KYAT3: variants seen among roughly 807,000 people sequenced by gnomAD.
KYAT3 encodes the protein kynurenine aminotransferase 3, also known as kynurenine--oxoglutarate transaminase 3.
In KYAT3, 50 loss-of-function variants were observed where a neutral mutation model predicts 59.0. The observed-to-expected ratio is 0.85, with a 90% CI of 0.68 to 1.07. The LOEUF (loss-of-function observed/expected upper bound fraction) is 1.07. KYAT3 is among the 50% of genes least tolerant of loss of function. The pLI, the probability that KYAT3 is intolerant of heterozygous loss-of-function variation, is 0.00. For missense variants in KYAT3, 497 were observed against 533.3 expected, an observed-to-expected ratio of 0.93 and a Z score of 0.67; for synonymous variants, 148 against 177.0, an observed-to-expected ratio of 0.84 and a Z score of 1.30.
chr1:88,929,121 T>C, the KYAT3 span, among the ~76,000 whole-genome samples: 1 of 151,812 alleles, frequency 6.6e-6, no homozygotes, highest in African/African-American at 2.4e-5. Context: ...CCGCCTCCTT[T>C]CCCTACCAAA....
Position 88,968,704 on chromosome 1 carries a change from G to A in KYAT3, c.269C>T (p.Ala90Val). The A allele has an allele frequency of 1.3e-6, 2 of 1,594,926 alleles. No homozygotes were observed. Among genetic ancestry groups the A allele is most frequent in the East Asian group, 2.3e-5 (1 of 44,216 alleles). Residue 90 changes from alanine to valine, a missense_variant, in exon 4 of 14, where the codon GCA becomes GTA. By Grantham distance (64) the Ala-to-Val change is moderately conservative (BLOSUM62 0). Around this residue, in one of 2 missense-constraint regions of KYAT3, gnomAD observed 469 missense variants for 479.1 expected, o/e 0.98. Coordinates refer to ENST00000260508, the MANE Select transcript of KYAT3 (RefSeq NM_001008661.3). ...YVKEELSKIA[A>V]IDSLNQYTRG... ...TGTATACTGATTCAGGCTATCGATT[G>A]CTGCAATCTTTGATAATTCTTCTTT...
chr1:88,935,129 G>A (rs1165756334), downstream of KYAT3, among the ~76,000 whole-genome samples: 1 of 151,482 alleles, frequency 6.6e-6, no homozygotes, highest in Admixed American at 6.6e-5. Context: ...AAGTAGCTGG[G>A]ATTACAGGAA....
At chr1:88,987,335 T>A (rs1281633847) in intron 2 of KYAT3, among the ~76,000 whole-genome samples, 1 of 152,150 alleles carries the variant, frequency 6.6e-6, no homozygotes, top group Non-Finnish European at 1.5e-5. Context: ...AAAAAGGTGG[T>A]CACGGTGGCA....
intron 4 of KYAT3, among the ~76,000 whole-genome samples, chr1:88,967,450 C>T (rs1008037119): frequency 1.3e-5 from 2 of 151,544 alleles, no homozygotes; most frequent in African/African-American, 2.4e-5. Context: ...ATGGCAAAAC[C>T]GCAATTACTT....
the KYAT3 span, among the ~76,000 whole-genome samples, chr1:88,929,403 T>C: frequency 2.0e-5 from 3 of 152,036 alleles, no homozygotes; most frequent in African/African-American, 7.2e-5. Flanking sequence ...ACCTAAAGGG[T>C]GCCTTTTGTG....
intron 2 of KYAT3, among the ~76,000 whole-genome samples, chr1:88,986,813 A>G (rs1421401693): frequency 6.6e-6 from 1 of 152,176 alleles, no homozygotes; most frequent in Non-Finnish European, 1.5e-5. Flanking sequence ...CTTGATTTAA[A>G]CTTATCACTA....
intron 2 of KYAT3, among the ~76,000 whole-genome samples, chr1:88,984,712 A>G (rs1316681266): frequency 6.6e-6 from 1 of 152,218 alleles, no homozygotes; most frequent in African/African-American, 2.4e-5. Flanking sequence ...TGGCCACAGC[A>G]CAGCTTTAGG....
intron 11 of KYAT3, among the ~76,000 whole-genome samples, chr1:88,944,296 A>C (rs75836201): frequency 6.6e-6 from 1 of 152,322 alleles, no homozygotes; most frequent in East Asian, 1.9e-4. Context: ...TCTTTCTTCT[A>C]TACATTAAAT....
At chr1:88,963,940 C>G (rs995026840) in intron 5 of KYAT3, among the ~76,000 whole-genome samples, 4 of 152,194 alleles carry the variant, frequency 2.6e-5, no homozygotes, top group Non-Finnish European at 4.4e-5. Context: ...TGGTGGCTCA[C>G]GCCTGTAATC....
the KYAT3 span, chr1:88,923,248 G>A: frequency 6.6e-6 from 1 of 152,160 alleles, no homozygotes; most frequent in African/African-American, 2.4e-5. Flanking sequence ...TGGTCTGTAG[G>A]GATAATGGAT....
the KYAT3 span, among the ~76,000 whole-genome samples, chr1:88,922,201 C>T: frequency 1.3e-5 from 2 of 151,992 alleles, no homozygotes; most frequent in Non-Finnish European, 2.9e-5. Flanking sequence ...GCCTGAGTGA[C>T]AGAATGAGGC....
Position 88,971,652 on chromosome 1 carries a change from G to C in KYAT3, c.100-2185C>G, listed in dbSNP as rs1049054776. Among the ~76,000 whole-genome samples the C allele has an allele frequency of 2.6e-5, 4 of 152,166 alleles. No individual in the cohort carries two copies. In the East Asian group the frequency reaches 7.7e-4, roughly 29 times the overall value. ...GCCAAGCACCCATTTTCTTCTCCTG[G>C]GGGAGATCATGCCCTTGTTGAGAGT... On this transcript the variant is annotated intron_variant, in intron 2 of 13. Coordinates refer to ENST00000260508, the MANE Select transcript of KYAT3 (RefSeq NM_001008661.3).
intron 2 of KYAT3, chr1:88,979,308 G>C (rs927936724): frequency 6.6e-6 from 1 of 152,088 alleles, no homozygotes; most frequent in Non-Finnish European, 1.5e-5. Flanking sequence ...GAGGGACTGA[G>C]AGATGAACAC....
chr1:88,987,040 T>C (rs1677500191), intron 2 of KYAT3, among the ~76,000 whole-genome samples: 1 of 152,132 alleles, frequency 6.6e-6, no homozygotes, highest in Non-Finnish European at 1.5e-5. Context: ...TGGAGAGGGG[T>C]TAGTGCTATC....
chr1:88,937,045 T>C (rs115378886), intron 13 of KYAT3, among the ~76,000 whole-genome samples: 4,117 of 151,748 alleles, frequency 0.027, 154 homozygotes, highest in African/African-American at 0.079. Context: ...GATGTCAGAG[T>C]CTGAGTGGGG....
At chr1:88,969,302 G>A (rs951526376) in intron 3 of KYAT3, 107 bp downstream of exon 3, 30 of 700,114 alleles carry the variant, frequency 4.3e-5, no homozygotes, top group Non-Finnish European at 7.7e-5. Flanking sequence ...AATTAAATGA[G>A]GACCTTTATT....
chr1:88,928,380 A>T, the KYAT3 span, among the ~76,000 whole-genome samples: 4 of 150,060 alleles, frequency 2.7e-5, no homozygotes, highest in Non-Finnish European at 5.9e-5. Flanking sequence ...GACAAACGGG[A>T]TAAAAAAAAA....
intron 1 of KYAT3, 27 bp downstream of exon 1, chr1:88,992,558 G>C (rs952878950): frequency 6.6e-6 from 1 of 152,638 alleles, no homozygotes; most frequent in Admixed American, 6.5e-5. Context: ...GAAGCGCCGC[G>C]CCGCGCCGCG....
At chr1:88,979,394 T>A (rs1303575396) in intron 2 of KYAT3, 1 of 152,244 alleles carries the variant, frequency 6.6e-6, no homozygotes, top group Non-Finnish European at 1.5e-5. Flanking sequence ...TGGGCTCAAG[T>A]ATCTCTTAAA....
Sources: gnomAD v4.1 joint callset for allele counts (sites outside exome capture counted in the v4.1 genomes callset) on GRCh38, gnomAD v4.1.1 for gene constraint, gnomAD v4.1.1 regional missense constraint, MANE v1.5 for transcripts, NCBI Gene and HGNC (gene_info 2026-07-23, HGNC 2026-07-21) for gene names.